GPM6A: variants seen among roughly 807,000 people sequenced by gnomAD.
GPM6A encodes neuronal membrane glycoprotein M6-a.
GPM6A carries 7 observed loss-of-function variants against 32.1 expected under a neutral mutation model. That is an observed-to-expected ratio of 0.22 (90% CI 0.12 to 0.41). GPM6A has a LOEUF of 0.41. Among genes scored for constraint, GPM6A ranks in the 10% least tolerant of loss-of-function variants. The pLI is 1.00. For missense variants in GPM6A, 235 were observed against 347.2 expected, an observed-to-expected ratio of 0.68 and a Z score of 2.57; for synonymous variants, 130 against 123.4, an observed-to-expected ratio of 1.05 and a Z score of -0.35.
chr4:175,795,835 G>C (rs1218800649), intron 1 of GPM6A: 1 of 152,240 alleles, frequency 6.6e-6, no homozygotes, highest in Non-Finnish European at 1.5e-5. Context: ...ATCTACCTTA[G>C]ATCCTTTGCT....
At chr4:175,673,914 G>T in intron 2 of GPM6A, 78 bp from the exon 3 acceptor site, 3 of 879,636 alleles carry the variant, frequency 3.4e-6, no homozygotes, top group South Asian at 2.0e-5. Flanking sequence ...ACATGCTCAT[G>T]ATTCTTTTGG....
intron 1 of GPM6A, among the ~76,000 whole-genome samples, chr4:175,979,305 CA>C (rs1740753512): frequency 7.1e-6 from 1 of 141,586 alleles, no homozygotes; most frequent in South Asian, 2.3e-4. Flanking sequence ...TATTTAAACA[CA>C]ACTTTTCCAG....
At chr4:175,787,336 C>A (rs1218224709) in intron 1 of GPM6A, 1 of 1,529,388 alleles carries the variant, frequency 6.5e-7, no homozygotes, top group Non-Finnish European at 8.8e-7. Flanking sequence ...TTGACCTTAC[C>A]TTCCAGGTCT....
At chr4:175,880,799 G>A (rs1405931462) in intron 1 of GPM6A, among the ~76,000 whole-genome samples, 1 of 152,138 alleles carries the variant, frequency 6.6e-6, no homozygotes, top group Non-Finnish European at 1.5e-5. Context: ...AGACGATGGG[G>A]TTTTCTAGAT....
chr4:175,795,529 T>G (rs540450511), intron 1 of GPM6A, among the ~76,000 whole-genome samples: 1 of 152,046 alleles, frequency 6.6e-6, no homozygotes, highest in East Asian at 1.9e-4. Context: ...GAGGGAGGAT[T>G]GCTTGAGACC....
At chr4:175,954,007 T>A (rs1441784319) in intron 1 of GPM6A, among the ~76,000 whole-genome samples, 1 of 152,192 alleles carries the variant, frequency 6.6e-6, no homozygotes, top group East Asian at 1.9e-4. Flanking sequence ...TCCTGAGAAA[T>A]GCTGACAGCA....
In GPM6A at chr4:176,001,607, C is replaced by G. The variant is rs553560929; in HGVS notation, c.-23+702G>C. On this transcript the variant is annotated intron_variant, in intron 1 of 7. Coordinates refer to the GPM6A transcript ENST00000280187. ...ACCCTGCCTGGAAACTTGAGCGAAG[C>G]TGAACTGCGCCGAACTCCACCGTCC... 3.9e-5 allele frequency among the ~76,000 whole-genome samples: 6 copies of G among 152,298 alleles called. No homozygotes were observed. In the East Asian group the frequency reaches 7.7e-4, roughly 20 times the overall value.
At chr4:175,854,214 G>A (rs550458080) in intron 1 of GPM6A, among the ~76,000 whole-genome samples, 1 of 152,196 alleles carries the variant, frequency 6.6e-6, no homozygotes, top group South Asian at 2.1e-4. Flanking sequence ...AAGAATAAAA[G>A]GCAAACAAAT....
intron 3 of GPM6A, among the ~76,000 whole-genome samples, chr4:175,660,514 T>C (rs1742348223): frequency 6.6e-6 from 1 of 152,202 alleles, no homozygotes; most frequent in South Asian, 2.1e-4. Context: ...AGACATACTC[T>C]TGGCTTGTAA....
At chr4:175,880,811 T>A (rs1276325892) in intron 1 of GPM6A, among the ~76,000 whole-genome samples, 1 of 152,202 alleles carries the variant, frequency 6.6e-6, no homozygotes. Context: ...TTTCTAGATA[T>A]ACAATCATGT....
chr4:175,745,795 A>G (rs1732079522), intron 1 of GPM6A, among the ~76,000 whole-genome samples: 1 of 152,204 alleles, frequency 6.6e-6, no homozygotes, highest in South Asian at 2.1e-4. Flanking sequence ...GCGAAGTAAG[A>G]AAAAATGTTA....
rs537611490 is a variant in GPM6A, at chr4:175,763,963, T to C, written c.37+48228A>G. On this transcript the variant is annotated intron_variant, in intron 1 of 6. Coordinates refer to ENST00000393658, the MANE Select transcript of GPM6A (RefSeq NM_201591.3). ...CATGATTTTGGAAATGTTGTTTTAG[T>C]CAATAAGTAACAAGATCAAATAAAA... Among the ~76,000 whole-genome samples, 6 of 152,304 alleles carry C rather than the reference T, an allele frequency of 3.9e-5. No individual in the cohort carries two copies. In the East Asian group the frequency reaches 1.2e-3, roughly 29 times the overall value.
chr4:175,904,605 A>C (rs1738072082), intron 1 of GPM6A, among the ~76,000 whole-genome samples: 1 of 152,158 alleles, frequency 6.6e-6, no homozygotes, highest in African/African-American at 2.4e-5. Context: ...TAACCCTGAA[A>C]GGATGAACGT....
At chr4:175,767,377 C>G (rs1263175241) in intron 1 of GPM6A, among the ~76,000 whole-genome samples, 1 of 152,172 alleles carries the variant, frequency 6.6e-6, no homozygotes, top group Non-Finnish European at 1.5e-5. Context: ...TACATGAAAA[C>G]TGCTTGTAAC....
chr4:175,880,518 A>G (rs1024390455), intron 1 of GPM6A, among the ~76,000 whole-genome samples: 1 of 152,174 alleles, frequency 6.6e-6, no homozygotes, highest in Non-Finnish European at 1.5e-5. Context: ...CCTATCCATG[A>G]GCATAGAATG....
At chr4:175,652,106 T>A in intron 3 of GPM6A, 119 bp from the exon 4 acceptor site, 2 of 632,812 alleles carry the variant, frequency 3.2e-6, no homozygotes, top group Non-Finnish European at 5.3e-6. Context: ...TAAGTCAGTA[T>A]CACAACACTG....
At chr4:175,694,155 C>T (rs1439904533) in intron 2 of GPM6A, among the ~76,000 whole-genome samples, 2 of 152,158 alleles carry the variant, frequency 1.3e-5, no homozygotes, top group East Asian at 1.9e-4. Context: ...TTCTAAATTA[C>T]CCAGTTTCAA....
intron 1 of GPM6A, among the ~76,000 whole-genome samples, chr4:175,793,446 GGCTCACT>G (rs1734090532): frequency 6.6e-6 from 1 of 151,986 alleles, no homozygotes; most frequent in Non-Finnish European, 1.5e-5. Context: ...GCGCGATCTC[GGCTCACT>G]GCAACCTCTG....
chr4:175,955,246 G>A (rs923538013), intron 1 of GPM6A, among the ~76,000 whole-genome samples: 1 of 152,218 alleles, frequency 6.6e-6, no homozygotes, highest in African/African-American at 2.4e-5. Flanking sequence ...GGGTCCATGG[G>A]AGAAAGGAAA....
Sources: gnomAD v4.1 joint callset for allele counts (sites outside exome capture counted in the v4.1 genomes callset) on GRCh38, gnomAD v4.1.1 for gene constraint, MANE v1.5 for transcripts, NCBI Gene and HGNC (gene_info 2026-07-23, HGNC 2026-07-21) for gene names.